Variants in SGCD observed in about 807,000 individuals in gnomAD.
The protein encoded by SGCD is delta-sarcoglycan.
In SGCD, 18 loss-of-function variants were observed where a neutral mutation model predicts 36.6. The ratio of observed to expected loss-of-function variants is 0.49; its 90% CI spans 0.34 to 0.73. The LOEUF (loss-of-function observed/expected upper bound fraction) is 0.73. Among genes scored for constraint, SGCD ranks in the 30% least tolerant of loss-of-function variants. SGCD has a pLI of 0.01. For missense variants in SGCD, 387 were observed against 346.7 expected (o/e 1.12, Z -0.92); for synonymous variants, 133 against 130.6 (o/e 1.02, Z -0.12).
At chr5:156,351,123 G>C (rs965722213) in intron 3 of SGCD, among the ~76,000 whole-genome samples, 1 of 152,154 alleles carries the variant, frequency 6.6e-6, no homozygotes, top group Admixed American at 6.5e-5. Context: ...TGGTAGTTCC[G>C]AATGTTTGGT....
the SGCD span, among the ~76,000 whole-genome samples, chr5:155,753,919 G>A: frequency 1.9e-4 from 29 of 151,838 alleles, no homozygotes; most frequent in South Asian, 5.4e-3. Context: ...TTCAATTGAC[G>A]TGTTTTTAGG....
intron 1 of SGCD, chr5:155,870,430 T>C (rs903295049): frequency 6.6e-6 from 1 of 152,162 alleles, no homozygotes; most frequent in African/African-American, 2.4e-5. Flanking sequence ...AGCAGGTAAC[T>C]CTCCAAATTT....
At chr5:156,361,931 G>T (rs1769814709) in intron 3 of SGCD, among the ~76,000 whole-genome samples, 2 of 152,172 alleles carry the variant, frequency 1.3e-5, no homozygotes, top group Admixed American at 1.3e-4. Context: ...ATCAGCATTT[G>T]CCTCCCTGGA....
the SGCD span, among the ~76,000 whole-genome samples, chr5:155,846,203 G>A: frequency 6.6e-6 from 1 of 152,180 alleles, no homozygotes; most frequent in South Asian, 2.1e-4. Context: ...CTTTACTATG[G>A]CATTTTTCAC....
the SGCD span, among the ~76,000 whole-genome samples, chr5:155,852,148 A>C: frequency 9.9e-5 from 15 of 152,204 alleles, no homozygotes; most frequent in Admixed American, 1.3e-4. Flanking sequence ...TGATATAAAA[A>C]AAGTTTTCTT....
intron 6 of SGCD, among the ~76,000 whole-genome samples, chr5:156,611,825 A>C (rs115163877): frequency 0.016 from 2,480 of 152,288 alleles, 68 homozygotes; most frequent in African/African-American, 0.056. Flanking sequence ...ACCTGTCTTC[A>C]TGTTCAAAAA....
At chr5:156,668,059 G>T (rs553417649) in intron 7 of SGCD, among the ~76,000 whole-genome samples, 1 of 152,194 alleles carries the variant, frequency 6.6e-6, no homozygotes, top group African/African-American at 2.4e-5. Context: ...ACATATTAAC[G>T]TGTCATTATG....
chr5:156,061,942 T>A (rs1581071281), intron 1 of SGCD, among the ~76,000 whole-genome samples: 2 of 117,010 alleles, frequency 1.7e-5, no homozygotes, highest in South Asian at 2.4e-4. Context: ...TTTTTTTTTT[T>A]TTATTATACT....
rs141073415 is a variant in SGCD at position 156,081,256 on chromosome 5, C to T, written c.-281-36622C>T. On this transcript the variant is annotated intron_variant, in intron 1 of 9. Coordinates refer to the SGCD transcript ENST00000517913. ...GAGTAGTCACTCACTGTTATGAGGA[C>T]GCACTCACTATCATGAGGACAGCAC... is the stretch of plus-strand genomic sequence containing the variant. 4.0e-3 allele frequency among the ~76,000 whole-genome samples: 615 copies of T among 152,254 alleles called. 6 individuals carry two copies. Among genetic ancestry groups the T allele is most frequent in the African/African-American group, 0.014 (576 of 41,536 alleles).
chr5:155,962,974 CAA>C (rs1259913558), intron 1 of SGCD, among the ~76,000 whole-genome samples: 1 of 152,086 alleles, frequency 6.6e-6, no homozygotes. Flanking sequence ...TTTTGAGGCA[CAA>C]AAGAAAATCT....
intron 3 of SGCD, among the ~76,000 whole-genome samples, chr5:156,491,589 C>A (rs1755939969): frequency 6.6e-6 from 1 of 152,038 alleles, no homozygotes; most frequent in Non-Finnish European, 1.5e-5. Flanking sequence ...TAAATAAGTA[C>A]AATCATGTAT....
chr5:156,470,612 C>G (rs1028152500), intron 3 of SGCD, among the ~76,000 whole-genome samples: 1 of 151,572 alleles, frequency 6.6e-6, no homozygotes, highest in Non-Finnish European at 1.5e-5. Flanking sequence ...TTTGTCCTTG[C>G]GATAGTTTAC....
At chr5:156,208,823 G>C (rs963405901) in intron 3 of SGCD, among the ~76,000 whole-genome samples, 1 of 152,116 alleles carries the variant, frequency 6.6e-6, no homozygotes, top group Non-Finnish European at 1.5e-5. Flanking sequence ...TTGTCACTCT[G>C]CAGAAGCATC....
Position 156,052,172 on chromosome 5 carries a change from G to A in SGCD, c.-281-65706G>A, listed in dbSNP as rs139309441. Reference sequence around the variant, plus strand: ...ACCCAAGAAGAGGAGGGGCCAGGCTGCCCTCTGCTGCAAATGTCGTGAACT... The same window carrying A: ...ACCCAAGAAGAGGAGGGGCCAGGCTACCCTCTGCTGCAAATGTCGTGAACT... On this transcript the variant is annotated intron_variant, in intron 1 of 9. Coordinates refer to the SGCD transcript ENST00000517913. Among the ~76,000 whole-genome samples the A allele has an allele frequency of 2.0e-5, 3 of 146,352 alleles. No homozygotes were observed. In the East Asian group the frequency reaches 5.8e-4, roughly 28 times the overall value.
chr5:156,560,421 C>T lies in SGCD; in HGVS notation c.295-28810C>T, dbSNP rs190921411. 3.9e-5 allele frequency among the ~76,000 whole-genome samples: 6 copies of T among 152,224 alleles called. No individual in the cohort carries two copies. In the South Asian group the frequency reaches 8.3e-4, roughly 21 times the overall value. On this transcript the variant is annotated intron_variant, in intron 4 of 8. Coordinates refer to ENST00000337851, the MANE Select transcript of SGCD (RefSeq NM_000337.6). ...ATCTGGAAAGAAAATCTTCTAATTTCTGAAATTTACTCCAAGCAACACCCA... is the reference window on the plus strand; with the variant it reads ...ATCTGGAAAGAAAATCTTCTAATTTTTGAAATTTACTCCAAGCAACACCCA...
At chr5:155,902,089 C>A (rs990654951) in intron 1 of SGCD, among the ~76,000 whole-genome samples, 1 of 152,140 alleles carries the variant, frequency 6.6e-6, no homozygotes, top group Admixed American at 6.6e-5. Flanking sequence ...TCGGTCAAGG[C>A]CTAACATTCT....
intron 1 of SGCD, among the ~76,000 whole-genome samples, chr5:156,073,937 G>T (rs1248717521): frequency 1.3e-5 from 2 of 152,194 alleles, no homozygotes; most frequent in Non-Finnish European, 2.9e-5. Flanking sequence ...CTGGGGTGGA[G>T]AGGAGCCATT....
At chr5:155,962,331 C>A (rs1757808945) in intron 1 of SGCD, among the ~76,000 whole-genome samples, 1 of 152,056 alleles carries the variant, frequency 6.6e-6, no homozygotes, top group African/African-American at 2.4e-5. Context: ...CCATTCCTCC[C>A]AGAGCCCCTA....
rs1284947322 is a variant in SGCD, at chr5:155,941,510, ATAAT to A, written c.-282+71089_-282+71092del. 3.3e-5 allele frequency among the ~76,000 whole-genome samples: 5 copies of A among 151,112 alleles called. No homozygotes were observed. The East Asian group carries it at 9.7e-4, about 29-fold the overall frequency. On this transcript the variant is annotated intron_variant, in intron 1 of 9. Coordinates refer to the SGCD transcript ENST00000517913. ...TTGCTATTAATAATATTGATATTAAATAATTATATTGCTATTAATAACCATTGAT... is the reference window on the plus strand; with the variant it reads ...TTGCTATTAATAATATTGATATTAAATATATTGCTATTAATAACCATTGAT...
Sources: gnomAD v4.1 joint callset for allele counts (sites outside exome capture counted in the v4.1 genomes callset) on GRCh38, gnomAD v4.1.1 for gene constraint, MANE v1.5 for transcripts, NCBI Gene and HGNC (gene_info 2026-07-23, HGNC 2026-07-21) for gene names.